Variants in TSPOAP1 observed in about 807,000 individuals in gnomAD.
The protein encoded by TSPOAP1 is TSPO associated protein 1.
TSPOAP1 carries 87 observed loss-of-function variants against 197.0 expected under a neutral mutation model. The observed-to-expected ratio is 0.44, with a 90% CI of 0.37 to 0.53. The LOEUF is 0.53. Ranked by LOEUF, TSPOAP1 falls within the 20% of genes least tolerant of loss-of-function variation. TSPOAP1 has a pLI of 0.00. For synonymous variants in TSPOAP1, 913 were observed against 998.9 expected (o/e 0.91, Z 1.62); for missense variants, 2,174 against 2,411.3 (o/e 0.90, Z 2.06).
intron 16 of TSPOAP1, among the ~76,000 whole-genome samples, chr17:58,314,360 G>A (rs1031561171): frequency 3.9e-5 from 6 of 152,280 alleles, no homozygotes; most frequent in South Asian, 2.1e-4. Context: ...TGGAAAAAGC[G>A]TCTTTGCAGA....
At chr17:58,315,641 C>T (rs1218165722) in intron 16 of TSPOAP1, among the ~76,000 whole-genome samples, 1 of 152,214 alleles carries the variant, frequency 6.6e-6, no homozygotes, top group Non-Finnish European at 1.5e-5. Context: ...TGGAGTCCAG[C>T]ATCAAATCTG....
chr17:58,303,760 C>G (rs1970787779), intron 31 of TSPOAP1: 1 of 152,312 alleles, frequency 6.6e-6, no homozygotes, highest in South Asian at 2.1e-4. Flanking sequence ...TGACTCCCAC[C>G]TCAGCCTCCC....
Position 58,322,824 on chromosome 17 carries a change from A to G in TSPOAP1, c.1195-48T>C. The G allele has an allele frequency of 6.2e-7, 1 of 1,608,742 alleles. No homozygotes were observed. The highest frequency in any genetic ancestry group is 8.5e-7 in the Non-Finnish European group (1 of 1,177,402). The stretch of plus-strand genomic sequence containing the variant: ...GAGTTGGGTGGGTGAGCCTTGACCC[A>G]CCAGCACCCTCACAGGGGGAACAGT... On this transcript the variant is annotated intron_variant, in intron 8 of 31. Coordinates refer to ENST00000343736, the MANE Select transcript of TSPOAP1 (RefSeq NM_004758.4). This position sits in a 1 kb window ranked among gnomAD's most constrained non-coding sequence, Gnocchi z 5.0.
Position 58,327,887 on chromosome 17 carries a change from C to A in TSPOAP1, c.34G>T (p.Asp12Tyr), listed in dbSNP as rs771893761. The part of the protein sequence containing the change: ...EQLTTLPRPG[D>Y]PGAMEPWALP... ...GCCCATGGCTCCATGGCTCCAGGGT[C>A]CCCAGGCCGTGGGAGGGTTGTCAGT... Residue 12 changes from aspartate (D) to tyrosine (Y), a missense_variant, in exon 1 of 32, where the codon GAC (aspartate) becomes TAC (tyrosine). Around this residue, in one of 5 missense-constraint regions of TSPOAP1, gnomAD observed 1,933 missense variants for 2,139.0 expected, o/e 0.90. Transcript: ENST00000343736. The A allele has an allele frequency of 6.2e-7, 1 of 1,605,648 alleles. No individual in the cohort carries two copies. The highest frequency in any genetic ancestry group is 8.5e-7 in the Non-Finnish European group (1 of 1,173,682).
intron 10 of TSPOAP1, among the ~76,000 whole-genome samples, chr17:58,321,687 C>G (rs533273063): frequency 6.6e-6 from 1 of 152,176 alleles, no homozygotes; most frequent in African/African-American, 2.4e-5. Context: ...CAGACAGCCA[C>G]CATCTCCCTC....
chr17:58,311,403 C>G (rs1971074066), intron 18 of TSPOAP1, 168 bp downstream of exon 18: 2 of 1,250,414 alleles, frequency 1.6e-6, no homozygotes, highest in South Asian at 1.5e-5. Flanking sequence ...TGGAACAGTT[C>G]TAAAATCTGT....
At chr17:58,321,093 G>C (rs1971392292) in intron 10 of TSPOAP1, among the ~76,000 whole-genome samples, 1 of 152,094 alleles carries the variant, frequency 6.6e-6, no homozygotes, top group South Asian at 2.1e-4. Context: ...AAGTGCCTGT[G>C]GACAGCTCCC....
At position 58,306,896 on chromosome 17, in the gene TSPOAP1, T is replaced by G. The variant is rs1408118962; in HGVS notation, c.5056A>C (p.Asn1686His). ...GGGRTGYIPC[N>H]MVAEVAVDSP... ...TCCACAGCCACCTCAGCCACCATGT[T>G]GCAGGGAATGTAGCCTGTCCGGCCC... Residue 1686 changes from asparagine to histidine, a missense_variant, in exon 25 of 32, where the codon AAC becomes CAC. Physicochemically the swap from Asn to His is moderately conservative, Grantham distance 68. Transcript: ENST00000343736. The G allele has an allele frequency of 1.2e-6, 2 of 1,613,560 alleles. No homozygotes were observed. The highest frequency in any genetic ancestry group is 1.7e-6 in the Non-Finnish European group (2 of 1,180,008).
At chr17:58,306,234 C>T in intron 26 of TSPOAP1, 108 bp downstream of exon 26, 4 of 1,177,736 alleles carry the variant, frequency 3.4e-6, no homozygotes, top group Non-Finnish European at 4.9e-6. Flanking sequence ...CGCCACCCAC[C>T]AGCACACACA....
chr17:58,322,214 G>C lies in TSPOAP1; in HGVS notation c.1422+94C>G. 1 of 1,300,034 alleles carries C rather than the reference G, an allele frequency of 7.7e-7. No individual in the cohort carries two copies. The highest frequency in any genetic ancestry group is 1.1e-6 in the Non-Finnish European group (1 of 925,780). 80.5% of individuals were successfully genotyped at this position (1,300,034 alleles called of 1,614,324 possible). On this transcript the variant is annotated intron_variant, in intron 10 of 31. Coordinates refer to ENST00000343736, the MANE Select transcript of TSPOAP1 (RefSeq NM_004758.4). The surrounding 1 kb of genome is among the most constrained non-coding windows in gnomAD (Gnocchi z 5.0). ...TTCCCCACAGTCTCCCCGACGCCTA[G>C]CACAGTGCCGGGCACACAGTAAATG...
At chr17:58,319,878 C>T (rs1167008512) in intron 12 of TSPOAP1, among the ~76,000 whole-genome samples, 2 of 152,322 alleles carry the variant, frequency 1.3e-5, no homozygotes, top group East Asian at 1.9e-4. Context: ...TCCTCATGAT[C>T]AGGGTGGCTA....
At chr17:58,325,079 C>T (rs1017180855) in intron 4 of TSPOAP1, 77 bp from the exon 5 acceptor site, 4 of 1,314,012 alleles carry the variant, frequency 3.0e-6, no homozygotes, top group Non-Finnish European at 4.1e-6. Flanking sequence ...CTGCAGAGCC[C>T]TTCGCCTTGC....
rs771131650 is a variant in TSPOAP1, at chr17:58,326,269, C to G, written c.570+24G>C. 6.2e-7 allele frequency: 1 copy of G among 1,612,580 alleles called. No individual in the cohort carries two copies. Among genetic ancestry groups the G allele is most frequent in the Non-Finnish European group, 8.5e-7 (1 of 1,179,278 alleles). On this transcript the variant is annotated intron_variant, in intron 3 of 31. Transcript: ENST00000343736. The surrounding 1 kb of genome is among the most constrained non-coding windows in gnomAD (Gnocchi z 4.7). ...CCCTCTTCCTTGGTCACCCAGCCTC[C>G]GCCCAGCAGCCTCCTTTCCTCACCA...
rs1439685426 is a variant in TSPOAP1, at chr17:58,309,933, C to T, written c.3891+34G>A. On this transcript the variant is annotated intron_variant, in intron 21 of 31. Transcript: ENST00000343736. The surrounding 1 kb of genome is among the most constrained non-coding windows in gnomAD (Gnocchi z 5.0). ...AGTGGGGAGGCCCCGGAGTTTGAGG[C>T]CTGGGGCCCAACAGCCCATCCCTAC... The T allele has an allele frequency of 4.4e-6, 7 of 1,576,782 alleles. No individual in the cohort carries two copies. The African/African-American group carries it at 8.1e-5, about 18-fold the overall frequency.
At chr17:58,318,858 G>A (rs1473334885) in intron 13 of TSPOAP1, among the ~76,000 whole-genome samples, 2 of 152,188 alleles carry the variant, frequency 1.3e-5, no homozygotes, top group Non-Finnish European at 2.9e-5. Flanking sequence ...GACCATTCAG[G>A]TCCTTTTGGA....
chr17:58,307,182 C>A lies in TSPOAP1; in HGVS notation c.4984-214G>T, dbSNP rs371074455. ...TATCCCCATTCACTGTCTACATGGC[C>A]ATGCCCTTTGCCCACCCCAGAATGG... On this transcript the variant is annotated intron_variant, in intron 24 of 31. Coordinates refer to ENST00000343736, the MANE Select transcript of TSPOAP1 (RefSeq NM_004758.4). Among the ~76,000 whole-genome samples, 3 of 152,332 alleles carry A rather than the reference C, an allele frequency of 2.0e-5. No individual in the cohort carries two copies. In the South Asian group the frequency reaches 6.2e-4, roughly 32 times the overall value.
In TSPOAP1 at chr17:58,316,463, C is replaced by A; in HGVS notation, c.1950G>T (p.Arg650=). ...GGAAGACCTGGATCCTGGCTCCTCCCCGGCTGCCCTCTGGCGCAGCTGGGA... is the reference window on the plus strand; with the variant it reads ...GGAAGACCTGGATCCTGGCTCCTCCACGGCTGCCCTCTGGCGCAGCTGGGA... ...SLLPAAPEGS[R]GGARIQVFLA... The change falls in exon 15 of 32, where the codon CGG becomes CGT. Residue 650 remains arginine (R), a synonymous_variant. Transcript: ENST00000343736. The A allele has an allele frequency of 6.2e-7, 1 of 1,613,844 alleles. No individual in the cohort carries two copies.
At chr17:58,321,968 C>T (rs1598077165) in intron 10 of TSPOAP1, 2 of 270,988 alleles carry the variant, frequency 7.4e-6, no homozygotes, top group East Asian at 1.5e-4. Context: ...TTCAGCTCTT[C>T]CCTGCCACAG....
Position 58,312,097 on chromosome 17 carries a change from G to C in TSPOAP1, c.2724C>G (p.Asn908Lys). 6.2e-7 allele frequency: 1 copy of C among 1,613,392 alleles called. No individual in the cohort carries two copies. The highest frequency in any genetic ancestry group is 8.5e-7 in the Non-Finnish European group (1 of 1,179,994). ...AEITWVPGNSNLAHAIYLNGE... is the reference protein window; with the variant it reads ...AEITWVPGNSKLAHAIYLNGE... Reference sequence around the variant, plus strand: ...CATTGAGGTAGATGGCATGGGCCAAGTTGCTATTGCCGGGCACCCAGGTGA... The same window carrying C: ...CATTGAGGTAGATGGCATGGGCCAACTTGCTATTGCCGGGCACCCAGGTGA... Residue 908 changes from asparagine (N) to lysine (K), a missense_variant, in exon 17 of 32, where the codon AAC becomes AAG. Asn to Lys is a moderately conservative substitution (Grantham distance 94). This residue lies in a region of TSPOAP1 where 1,933 missense variants were observed against 2,139.0 expected (regional missense o/e 0.90). Coordinates refer to ENST00000343736, the MANE Select transcript of TSPOAP1 (RefSeq NM_004758.4).
Sources: allele counts gnomAD v4.1 joint callset (sites outside exome capture counted in the v4.1 genomes callset), GRCh38; gene constraint gnomAD v4.1.1; regional missense constraint gnomAD v4.1.1; non-coding constraint Gnocchi (gnomAD v3.1); transcripts MANE v1.5; gene names NCBI Gene and HGNC (gene_info 2026-07-23, HGNC 2026-07-21).